LYPD4: variants seen among roughly 807,000 people sequenced by gnomAD.
LYPD4 encodes ly6/PLAUR domain-containing protein 4.
Under a neutral mutation model 18.2 loss-of-function variants are expected in LYPD4, and 20 were observed. The observed-to-expected ratio is 1.10, with a 90% CI of 0.77 to 1.59. LYPD4 has a LOEUF of 1.59. Among genes scored for constraint, LYPD4 ranks in the 40% most tolerant of loss-of-function variants. The probability of loss-of-function intolerance (pLI) is 0.00; values close to 1 mark genes in which losing one functional copy is unlikely to be tolerated. For synonymous variants in LYPD4, 111 were observed against 118.3 expected (o/e 0.94, Z 0.40); for missense variants, 278 against 300.3 (o/e 0.93, Z 0.55).
At chr19:41,837,878 C>T in intron 4 of LYPD4, 57 bp downstream of exon 4, 2 of 1,500,042 alleles carry the variant, frequency 1.3e-6, no homozygotes, top group African/African-American at 1.4e-5. Flanking sequence ...TGTGAAGGTG[C>T]TGGACAATGC....
chr19:41,835,771 G>A (rs2073363981), downstream of LYPD4: 1 of 985,250 alleles, frequency 1.0e-6, no homozygotes, highest in South Asian at 4.7e-5. Context: ...CTGAGGCCAG[G>A]TGCAGGCACG....
At chr19:41,838,774 T>C in intron 3 of LYPD4, 107 bp downstream of exon 3, 1 of 802,380 alleles carries the variant, frequency 1.2e-6, no homozygotes, top group South Asian at 1.8e-5. Context: ...TATATATATG[T>C]ATAGTAACTA....
rs1462220344 is a variant in LYPD4 at position 41,843,935 on chromosome 19, AG to A, written c.-479del. 7.1e-6 allele frequency: 1 copy of A among 140,732 alleles called. No homozygotes were observed. The highest frequency in any genetic ancestry group is 2.6e-5 in the African/African-American group (1 of 39,064). The allele number at this position is 140,732 out of a possible 1,614,324, so 8.7% of individuals were successfully genotyped here. A position where few individuals can be genotyped will look rare whatever the true frequency, so the allele number is the denominator to read the frequency against. On this transcript the variant is annotated 5_prime_UTR_variant, in exon 1 of 5. Transcript: ENST00000609812. ...AAAAAAAAAAAAAAAAAAAAAAAAA[AG>A]GATGGAGCAGTAGTCAGAGGGGATG...
At chr19:41,836,327 A>G (rs12975124), downstream of LYPD4, among the ~76,000 whole-genome samples, 4 of 131,548 alleles carry the variant, frequency 3.0e-5, no homozygotes, top group African/African-American at 1.2e-4. Context: ...AAAAAAAAAA[A>G]CAACTACTGA....
chr19:41,839,336 A>T lies in LYPD4; in HGVS notation c.-51T>A. 6.4e-7 allele frequency: 1 copy of T among 1,559,164 alleles called. No homozygotes were observed. Among genetic ancestry groups the T allele is most frequent in the South Asian group, 1.1e-5 (1 of 89,942 alleles). ...TAGAGGTCAGTCTGGAATCAGTTTC[A>T]GTCTGGATCCCAAGCTCAGTTCCCA... On this transcript the variant is annotated 5_prime_UTR_variant, in exon 2 of 5. Coordinates refer to ENST00000609812, the MANE Select transcript of LYPD4 (RefSeq NM_173506.7).
intron 1 of LYPD4, among the ~76,000 whole-genome samples, chr19:41,842,132 T>C (rs1354364017): frequency 1.3e-5 from 2 of 152,156 alleles, no homozygotes; most frequent in Non-Finnish European, 2.9e-5. Context: ...AGCCCCCACC[T>C]GCCAGGCTCA....
At chr19:41,843,062 A>ACC (rs2073684044) in intron 1 of LYPD4, among the ~76,000 whole-genome samples, 1 of 53,486 alleles carries the variant, frequency 1.9e-5, no homozygotes. Context: ...AAAAAAAAAA[A>ACC]AAAAAAAAAA....
chr19:41,838,109 C>T lies in LYPD4; in HGVS notation c.364G>A (p.Glu122Lys), dbSNP rs1555831271. 2 of 1,613,836 alleles carry T rather than the reference C, an allele frequency of 1.2e-6. No homozygotes were observed. The highest frequency in any genetic ancestry group is 8.5e-7 in the Non-Finnish European group (1 of 1,179,958). ...SYLCNNLTNL[E>K]PFVKLKASTP... Reference sequence around the variant, plus strand: ...CTGGCCTTGAGTTTCACAAAAGGCTCCAAATTGGTGAGGTTGTTGCAGAGA... The same window carrying T: ...CTGGCCTTGAGTTTCACAAAAGGCTTCAAATTGGTGAGGTTGTTGCAGAGA... Residue 122 changes from glutamate to lysine, a missense_variant, in exon 4 of 5, where the codon GAG becomes AAG. Physicochemically the swap from Glu to Lys is moderately conservative, Grantham distance 56. Coordinates refer to ENST00000609812, the MANE Select transcript of LYPD4 (RefSeq NM_173506.7).
chr19:41,838,244 C>CT lies in LYPD4; in HGVS notation c.228_229insA (p.Val77SerfsTer4). The stretch of plus-strand genomic sequence containing the variant: ...GACGAGCTGCAGCCTTTAAAGCCCA[C>CT]GACTCCCCTTGCAGTCCCTGAGGAG... On this transcript the variant is annotated frameshift_variant, in exon 4 of 5. Transcript: ENST00000609812. LOFTEE classifies it high-confidence loss of function. 1 of 1,533,874 alleles carries CT rather than the reference C, an allele frequency of 6.5e-7. No individual in the cohort carries two copies. The highest frequency in any genetic ancestry group is 8.8e-7 in the Non-Finnish European group (1 of 1,139,224).
At position 41,837,261 on chromosome 19, in the gene LYPD4, A is replaced by G. The variant is rs368531035; in HGVS notation, c.623T>C (p.Ile208Thr). The G allele has an allele frequency of 6.2e-7, 1 of 1,614,058 alleles. No homozygotes were observed. Among genetic ancestry groups the G allele is most frequent in the African/African-American group, 1.3e-5 (1 of 75,022 alleles). Reference sequence around the variant, plus strand: ...GATGTTGAGGACCTCAGTCACTTTGATGCTCCCAATATGATGAAAATCTGC... The same window carrying G: ...GATGTTGAGGACCTCAGTCACTTTGGTGCTCCCAATATGATGAAAATCTGC... ...LLADFHHIGS[I>T]KVTEVLNILE... The change falls in exon 5 of 5, where the codon ATC (isoleucine) becomes ACC (threonine). Residue 208 changes from isoleucine to threonine, a missense_variant. Ile to Thr is a moderately conservative substitution (Grantham distance 89, BLOSUM62 -1). Coordinates refer to ENST00000609812, the MANE Select transcript of LYPD4 (RefSeq NM_173506.7).
At position 41,838,850 on chromosome 19, in the gene LYPD4, A is replaced by G. The variant is rs201334161; in HGVS notation, c.211+31T>C. On this transcript the variant is annotated intron_variant, in intron 3 of 4. Transcript: ENST00000609812. Reference sequence around the variant, plus strand: ...AGCTGGGGGTCAGAAGAGCAAGCAAAACGAAATTGATCAAACTTAGACTGC... The same window carrying G: ...AGCTGGGGGTCAGAAGAGCAAGCAAGACGAAATTGATCAAACTTAGACTGC... The G allele has an allele frequency of 1.6e-3, 2,559 of 1,610,976 alleles. 1 individual carries two copies. The highest frequency in any genetic ancestry group is 2.1e-3 in the Non-Finnish European group (2,430 of 1,178,778).
rs1041610278 is a variant in LYPD4 at position 41,837,831 on chromosome 19, C to A, written c.538+104G>T. 32 of 1,263,010 alleles carry A rather than the reference C, an allele frequency of 2.5e-5. No homozygotes were observed. In the Middle Eastern group the frequency reaches 7.8e-4, roughly 31 times the overall value. The allele number at this position is 1,263,010 out of a possible 1,614,324, so 78.2% of individuals were successfully genotyped here. A position where few individuals can be genotyped will look rare whatever the true frequency, so the allele number is the denominator to read the frequency against. On this transcript the variant is annotated intron_variant, in intron 4 of 4. Coordinates refer to ENST00000609812, the MANE Select transcript of LYPD4 (RefSeq NM_173506.7). ...TTCATGTGCCCTGTCCCTTGCAACC[C>A]CAATCCCATCTCTGGATCCCACCAG...
In LYPD4 at chr19:41,844,261, A is replaced by C. The variant is rs1285386246; in HGVS notation, c.-804T>G. 6.6e-6 allele frequency: 1 copy of C among 152,302 alleles called. No homozygotes were observed. Among genetic ancestry groups the C allele is most frequent in the Non-Finnish European group, 1.5e-5 (1 of 68,120 alleles). 9.4% of individuals were successfully genotyped at this position (152,302 alleles called of 1,614,324 possible). A position where few individuals can be genotyped will look rare whatever the true frequency, so the allele number is the denominator to read the frequency against. On this transcript the variant is annotated 5_prime_UTR_variant, in exon 1 of 5. Transcript: ENST00000609812. ...AGGGGCGAACTCTTGAGGAAGATGAACGCGGAGGGTGGAGCCAGCCAGAAA... is the reference window on the plus strand; with the variant it reads ...AGGGGCGAACTCTTGAGGAAGATGACCGCGGAGGGTGGAGCCAGCCAGAAA...
At chr19:41,840,257 T>C (rs948746464) in intron 1 of LYPD4, among the ~76,000 whole-genome samples, 2 of 151,880 alleles carry the variant, frequency 1.3e-5, no homozygotes, top group African/African-American at 2.4e-5. Flanking sequence ...CAAAATGCCA[T>C]CTCTACAAAA....
intron 3 of LYPD4, 25 bp from the exon 4 acceptor site, chr19:41,838,286 C>T (rs367926644): frequency 6.7e-7 from 1 of 1,502,382 alleles, no homozygotes. Context: ...ATTGAGAGAG[C>T]TCAGATCAGT....
In LYPD4 at chr19:41,837,288, A is replaced by G; in HGVS notation, c.596T>C (p.Leu199Ser). The change falls in exon 5 of 5, where the codon TTA (leucine) becomes TCA (serine). Residue 199 changes from leucine to serine, a missense_variant. Physicochemically the swap from Leu to Ser is moderately radical, Grantham distance 145. Coordinates refer to ENST00000609812, the MANE Select transcript of LYPD4 (RefSeq NM_173506.7). ...MGCAREHNQL[L>S]ADFHHIGSIK... ...GCTCCCAATATGATGAAAATCTGCT[A>G]AAAGCTGGTTATGTTCACGAGCACA... 4 of 1,614,062 alleles carry G rather than the reference A, an allele frequency of 2.5e-6. No homozygotes were observed. The highest frequency in any genetic ancestry group is 3.4e-6 in the Non-Finnish European group (4 of 1,179,950).
chr19:41,842,875 A>G (rs1392346127), intron 1 of LYPD4, among the ~76,000 whole-genome samples: 2 of 149,934 alleles, frequency 1.3e-5, no homozygotes, highest in East Asian at 3.9e-4. Context: ...CAAATAGTAT[A>G]TAACATAATA....
Position 41,838,990 on chromosome 19 carries a change from G to A in LYPD4, c.102C>T (p.Ala34=), listed in dbSNP as rs371971494. 9 of 1,613,644 alleles carry A rather than the reference G, an allele frequency of 5.6e-6. No individual in the cohort carries two copies. Among genetic ancestry groups the A allele is most frequent in the Non-Finnish European group, 7.6e-6 (9 of 1,180,000 alleles). ...AGALLCYEAT[A]SRFRAVAFHN... is the part of the protein sequence containing the mutation. ...GGAAAGCAACAGCTCTGAATCTTGA[G>A]GCTGTTGCTTCATAGCACAAAAGAG... The change falls in exon 3 of 5, where the codon GCC becomes GCT. Residue 34 remains alanine, a synonymous_variant. Transcript: ENST00000609812.
At chr19:41,837,038 T>C, downstream of LYPD4, 1 of 1,540,110 alleles carries the variant, frequency 6.5e-7, no homozygotes, top group Non-Finnish European at 8.8e-7. Flanking sequence ...CACACCTTCC[T>C]CACCCCTGCT....
Sources: allele counts gnomAD v4.1 joint callset (sites outside exome capture counted in the v4.1 genomes callset), GRCh38; gene constraint gnomAD v4.1.1; transcripts MANE v1.5; gene names NCBI Gene and HGNC (gene_info 2026-07-23, HGNC 2026-07-21).